The following PTDSS1 variants were observed in gnomAD, a reference collection of about 807,000 sequenced individuals.
PTDSS1 encodes the protein PSS-1.
PTDSS1 carries 45 observed loss-of-function variants against 70.5 expected under a neutral mutation model. The ratio of observed to expected loss-of-function variants is 0.64; its 90% CI spans 0.50 to 0.82. PTDSS1 has a LOEUF of 0.82. PTDSS1 is among the 40% of genes least tolerant of loss of function. The pLI, the probability that PTDSS1 is intolerant of heterozygous loss-of-function variation, is 0.00. For missense variants in PTDSS1, 417 were observed against 586.1 expected (o/e 0.71, Z 2.98); for synonymous variants, 188 against 203.8 (o/e 0.92, Z 0.66).
intron 1 of PTDSS1, among the ~76,000 whole-genome samples, chr8:96,264,452 G>A (rs1371013028): frequency 6.6e-6 from 1 of 152,096 alleles, no homozygotes; most frequent in African/African-American, 2.4e-5. Flanking sequence ...TAATTGAGAA[G>A]GATAAAAGCA....
In PTDSS1 at chr8:96,306,440, T is replaced by C. The variant is rs1412147963; in HGVS notation, c.895-4T>C. ...AGGTTGACTAATTTCTCCGTCTTTT[T>C]CAGCTGACTGAGTTGAATACCTTCT... On this transcript the variant is annotated splice_region_variant and splice_polypyrimidine_tract_variant and intron_variant, in intron 7 of 12. Transcript: ENST00000517309. The C allele has an allele frequency of 1.2e-6, 2 of 1,610,996 alleles. No homozygotes were observed. Among genetic ancestry groups the C allele is most frequent in the Non-Finnish European group, 1.7e-6 (2 of 1,177,376 alleles).
At chr8:96,319,892 T>TTGCAAAGGTAGTAGTTTCCCTGTGCC (rs1306142225) in intron 9 of PTDSS1, among the ~76,000 whole-genome samples, 17 of 152,276 alleles carry the variant, frequency 1.1e-4, no homozygotes, top group African/African-American at 4.1e-4. Flanking sequence ...ATAAGCCACC[T>TTGCAAAGGTAGTAGTTTCCCTGTGCC]TGCAAAGGTA....
At chr8:96,263,029 T>C in intron 1 of PTDSS1, among the ~76,000 whole-genome samples, 1 of 152,204 alleles carries the variant, frequency 6.6e-6, no homozygotes, top group Non-Finnish European at 1.5e-5. Context: ...AAATGTGATC[T>C]TGTCCAGCAA....
intron 12 of PTDSS1, among the ~76,000 whole-genome samples, chr8:96,331,484 G>A (rs1279916921): frequency 2.0e-5 from 3 of 151,634 alleles, no homozygotes; most frequent in Non-Finnish European, 4.4e-5. Flanking sequence ...AGCCAAGATC[G>A]TACCACTGCA....
At chr8:96,323,674 G>T (rs1811402261) in intron 10 of PTDSS1, among the ~76,000 whole-genome samples, 1 of 152,190 alleles carries the variant, frequency 6.6e-6, no homozygotes, top group African/African-American at 2.4e-5. Context: ...TTAGAGCTCT[G>T]GGTCTGTGAT....
intron 9 of PTDSS1, among the ~76,000 whole-genome samples, chr8:96,311,520 CT>C (rs1284914068): frequency 1.3e-5 from 2 of 152,072 alleles, no homozygotes. Context: ...AATGTCATTC[CT>C]TTCCATTTTT....
At chr8:96,304,777 T>G (rs1811100236) in intron 7 of PTDSS1, among the ~76,000 whole-genome samples, 3 of 152,198 alleles carry the variant, frequency 2.0e-5, no homozygotes, top group Admixed American at 2.0e-4. Flanking sequence ...AGACAGCAAT[T>G]TTTTCTGATG....
At chr8:96,313,650 A>G (rs955583477) in intron 9 of PTDSS1, among the ~76,000 whole-genome samples, 3 of 152,050 alleles carry the variant, frequency 2.0e-5, no homozygotes, top group Admixed American at 6.6e-5. Context: ...CTCATGGGAG[A>G]GTGAGCCTAC....
rs183865340 is a variant in PTDSS1 at position 96,301,145 on chromosome 8, A to G, written c.752+1300A>G. The stretch of plus-strand genomic sequence containing the variant: ...CACCCCCTTTTTTTTTGTTTGTTTT[A>G]TTGAGATGGAGTCTTGCTCTGTCAC... On this transcript the variant is annotated intron_variant, in intron 6 of 12. Coordinates refer to ENST00000517309, the MANE Select transcript of PTDSS1 (RefSeq NM_014754.3). 3.4e-4 allele frequency among the ~76,000 whole-genome samples: 52 copies of G among 151,078 alleles called. No homozygotes were observed. In the East Asian group the frequency reaches 7.0e-3, roughly 20 times the overall value.
In PTDSS1 at chr8:96,322,158, C is replaced by T. The variant is rs28503799; in HGVS notation, c.1173+1813C>T. ...CCACAGCAAATCACAGGCCTCCCAG[C>T]TGCCTCCCCACCACTGCCCCCTGGG... is the stretch of plus-strand genomic sequence containing the variant. On this transcript the variant is annotated intron_variant, in intron 10 of 12. Transcript: ENST00000517309. Among the ~76,000 whole-genome samples the T allele has an allele frequency of 8.9e-3, 1,360 of 152,248 alleles. 16 individuals are homozygous for T. The highest frequency in any genetic ancestry group is 0.03 in the African/African-American group (1,259 of 41,520).
Position 96,330,213 on chromosome 8 carries a change from G to C in PTDSS1, c.1174G>C (p.Ala392Pro). 6.2e-7 allele frequency: 1 copy of C among 1,611,762 alleles called. No homozygotes were observed. The highest frequency in any genetic ancestry group is 8.5e-7 in the Non-Finnish European group (1 of 1,178,036). Reference protein sequence around the residue: ...LYVVLWLLCVAFTTFLCLYGM... With the variant: ...LYVVLWLLCVPFTTFLCLYGM... ...AGCATCATTTGTTTTTCTCTTCCAG[G>C]CTTTCACCACTTTCCTCTGTCTGTA... The change falls in exon 11 of 13, where the codon GCT becomes CCT. Residue 392 changes from alanine to proline, a missense_variant and splice_region_variant. By Grantham distance (27) the Ala-to-Pro change is conservative (BLOSUM62 -1). Around this residue, in one of 3 missense-constraint regions of PTDSS1, gnomAD observed 107 missense variants for 122.3 expected, o/e 0.88. Coordinates refer to ENST00000517309, the MANE Select transcript of PTDSS1 (RefSeq NM_014754.3).
At chr8:96,272,427 T>G (rs1454324980) in intron 1 of PTDSS1, among the ~76,000 whole-genome samples, 1 of 152,226 alleles carries the variant, frequency 6.6e-6, no homozygotes, top group East Asian at 1.9e-4. Context: ...TGCTTTTATT[T>G]TGTAACCTAC....
intron 12 of PTDSS1, 85 bp downstream of exon 12, chr8:96,331,180 T>C: frequency 1.5e-6 from 2 of 1,342,114 alleles, no homozygotes; most frequent in Non-Finnish European, 1.1e-6. Flanking sequence ...GGAGATGATA[T>C]AAGCCTTGAA....
At chr8:96,273,415 A>G (rs779648162) in intron 2 of PTDSS1, 25 bp downstream of exon 2, 1 of 1,510,178 alleles carries the variant, frequency 6.6e-7, no homozygotes, top group Non-Finnish European at 9.1e-7. Context: ...GCATTACCAC[A>G]TTTCTCCTAT....
chr8:96,310,985 C>T (rs1586202903), intron 9 of PTDSS1, among the ~76,000 whole-genome samples: 4 of 151,890 alleles, frequency 2.6e-5, no homozygotes, highest in South Asian at 4.2e-4. Flanking sequence ...AGGATGGTCT[C>T]GATTTCTTGA....
At chr8:96,315,443 G>A (rs193104624) in intron 9 of PTDSS1, among the ~76,000 whole-genome samples, 86 of 152,226 alleles carry the variant, frequency 5.6e-4, no homozygotes, top group African/African-American at 1.9e-3. Flanking sequence ...CTCTTCTTCT[G>A]CTTCTCAAGT....
Position 96,262,162 on chromosome 8 carries a change from A to T in PTDSS1, c.122A>T (p.His41Leu). The stretch of plus-strand genomic sequence containing the variant: ...ACCATTGACTTCTTCTACCGGCCGC[A>T]TACCATCACCCTGCTCAGCTTCACC... ...DITIDFFYRP[H>L]TITLLSFTIV... Residue 41 changes from histidine (H) to leucine (L), a missense_variant, in exon 1 of 13, where the codon CAT becomes CTT. By Grantham distance (99) the His-to-Leu change is moderately conservative. Around this residue, in one of 3 missense-constraint regions of PTDSS1, gnomAD observed 272 missense variants for 429.5 expected, o/e 0.63. Transcript: ENST00000517309. This position sits in a 1 kb window ranked among gnomAD's most constrained non-coding sequence, Gnocchi z 4.4. 6.2e-7 allele frequency: 1 copy of T among 1,613,878 alleles called. No homozygotes were observed. Among genetic ancestry groups the T allele is most frequent in the Non-Finnish European group, 8.5e-7 (1 of 1,179,824 alleles).
chr8:96,284,982 G>C (rs1032514427), intron 3 of PTDSS1, among the ~76,000 whole-genome samples: 1 of 152,238 alleles, frequency 6.6e-6, no homozygotes, highest in Non-Finnish European at 1.5e-5. Flanking sequence ...CACCAGGGAA[G>C]GCCAGACAGA....
At chr8:96,309,694 T>A (rs1811179425) in intron 9 of PTDSS1, 72 bp downstream of exon 9, 2 of 1,450,146 alleles carry the variant, frequency 1.4e-6, no homozygotes, top group Non-Finnish European at 1.9e-6. Flanking sequence ...TTCTTGACCC[T>A]GTGTTAAGAG....
Sources: allele counts gnomAD v4.1 joint callset (sites outside exome capture counted in the v4.1 genomes callset), GRCh38; gene constraint gnomAD v4.1.1; regional missense constraint gnomAD v4.1.1; non-coding constraint Gnocchi (gnomAD v3.1); transcripts MANE v1.5; gene names NCBI Gene and HGNC (gene_info 2026-07-23, HGNC 2026-07-21).